PCDHA13: variants seen among roughly 807,000 people sequenced by gnomAD.
PCDHA13 encodes the protein protocadherin alpha-13.
Under a neutral mutation model 64.8 loss-of-function variants are expected in PCDHA13, and 54 were observed. The observed-to-expected ratio is 0.83, with a 90% confidence interval of 0.67 to 1.04. PCDHA13 has a LOEUF of 1.04. PCDHA13 is among the 50% of genes least tolerant of loss of function. PCDHA13 has a pLI of 0.00. For synonymous variants in PCDHA13, 587 were observed against 564.4 expected (o/e 1.04, Z -0.57); for missense variants, 1,248 against 1,254.3 (o/e 0.99, Z 0.08).
At chr5:140,894,042 C>T (rs1180138209) in intron 1 of PCDHA13, among the ~76,000 whole-genome samples, 2 of 152,078 alleles carry the variant, frequency 1.3e-5, no homozygotes, top group African/African-American at 2.4e-5. Context: ...TAATGTAAGT[C>T]CTCTGTTGAA....
In PCDHA13 at chr5:141,005,964, A is replaced by G. The variant is rs189203283; in HGVS notation, c.2543-3663A>G. On this transcript the variant is annotated intron_variant, in intron 3 of 3. Transcript: ENST00000289272. The stretch of plus-strand genomic sequence containing the variant: ...CCTATCTCTAACAAACAACAATAAA[A>G]AAACAATTCCAAAGAGTGTTTGAGG... 1.8e-3 allele frequency among the ~76,000 whole-genome samples: 274 copies of G among 152,152 alleles called. 1 individual carries two copies. Among genetic ancestry groups the G allele is most frequent in the Middle Eastern group, 6.8e-3 (2 of 294 alleles).
chr5:140,929,430 A>G, intron 1 of PCDHA13: 1 of 1,490,684 alleles, frequency 6.7e-7, no homozygotes, highest in Non-Finnish European at 9.0e-7. Flanking sequence ...CATCAATTGA[A>G]CTAAACACTC....
intron 1 of PCDHA13, among the ~76,000 whole-genome samples, chr5:140,906,628 G>A (rs976764797): frequency 2.0e-5 from 3 of 152,180 alleles, no homozygotes; most frequent in African/African-American, 7.2e-5. Context: ...CCTTCAGCAA[G>A]CACCTCAGCA....
chr5:140,961,704 C>T (rs1381981839), intron 1 of PCDHA13, among the ~76,000 whole-genome samples: 1 of 152,086 alleles, frequency 6.6e-6, no homozygotes, highest in African/African-American at 2.4e-5. Flanking sequence ...GTATGAATGC[C>T]TTCATTTCTA....
chr5:140,977,482 A>G lies in PCDHA13; in HGVS notation c.2395-1467A>G, dbSNP rs3776112. ...TTTGGTCTGTAGATAATTTTATGCTATGTTATATGGAATATCCACAGCATT... is the reference window on the plus strand; with the variant it reads ...TTTGGTCTGTAGATAATTTTATGCTGTGTTATATGGAATATCCACAGCATT... On this transcript the variant is annotated intron_variant, in intron 1 of 3. Coordinates refer to ENST00000289272, the MANE Select transcript of PCDHA13 (RefSeq NM_018904.3). Among the ~76,000 whole-genome samples the G allele has an allele frequency of 3.0e-4, 46 of 152,350 alleles. No homozygotes were observed. The East Asian group carries it at 5.4e-3, about 18-fold the overall frequency.
rs375261398 is a variant in PCDHA13 at position 140,910,786 on chromosome 5, A to G, written c.2394+26124A>G. On this transcript the variant is annotated intron_variant, in intron 1 of 3. Transcript: ENST00000289272. ...TAAACTCCCCAAGCTGCAACATTAA[A>G]TGCAGAATCCCTGCTTAGTGGGCCC... is the stretch of plus-strand genomic sequence containing the variant. 2.6e-3 allele frequency among the ~76,000 whole-genome samples: 391 copies of G among 152,326 alleles called. 2 individuals are homozygous for G. Among genetic ancestry groups the G allele is most frequent in the African/African-American group, 9.1e-3 (380 of 41,560 alleles).
At chr5:140,903,061 C>T (rs2069972197) in intron 1 of PCDHA13, among the ~76,000 whole-genome samples, 1 of 152,052 alleles carries the variant, frequency 6.6e-6, no homozygotes, top group African/African-American at 2.4e-5. Context: ...GACTTCTTTT[C>T]CTTTGGGTAG....
intron 1 of PCDHA13, among the ~76,000 whole-genome samples, chr5:140,921,151 AT>A (rs11299094): frequency 0.63 from 94,902 of 151,506 alleles, 30,179 homozygotes; most frequent in African/African-American, 0.71. Flanking sequence ...CAGCTAATGC[AT>A]TTTTTTTTTA....
intron 1 of PCDHA13, among the ~76,000 whole-genome samples, chr5:140,945,166 T>C (rs145739178): frequency 2.6e-5 from 4 of 152,112 alleles, no homozygotes; most frequent in African/African-American, 9.6e-5. Context: ...TTGAACTATC[T>C]GAAAAATAAA....
At chr5:140,964,227 G>A (rs1245581815) in intron 1 of PCDHA13, among the ~76,000 whole-genome samples, 1 of 152,222 alleles carries the variant, frequency 6.6e-6, no homozygotes, top group African/African-American at 2.4e-5. Context: ...CTTTCAAAAT[G>A]AGGCTGATTG....
chr5:140,895,914 A>G (rs570826611), intron 1 of PCDHA13, among the ~76,000 whole-genome samples: 43 of 152,162 alleles, frequency 2.8e-4, no homozygotes, highest in Non-Finnish European at 1.3e-4. Flanking sequence ...CGGGCTCAAC[A>G]ATTATCCTGC....
intron 3 of PCDHA13, among the ~76,000 whole-genome samples, chr5:140,993,075 G>A (rs531612224): frequency 1.3e-3 from 191 of 152,324 alleles, no homozygotes; most frequent in African/African-American, 4.5e-3. Flanking sequence ...CCTGCAGTCT[G>A]CAATCAGCAG....
At position 140,926,724 on chromosome 5, in the gene PCDHA13, G is replaced by C. The variant is rs376759295; in HGVS notation, c.2394+42062G>C. 1.5e-5 allele frequency: 15 copies of C among 1,034,056 alleles called. No homozygotes were observed. In the East Asian group the frequency reaches 2.4e-4, roughly 17 times the overall value. 64.1% of individuals were successfully genotyped at this position (1,034,056 alleles called of 1,614,324 possible). On this transcript the variant is annotated intron_variant, in intron 1 of 3. Transcript: ENST00000289272. ...CCAGCTGGCCAGCCCCGGCAATGCC[G>C]GCGTTCGGGAGGCGCAACGTCGGCG...
At chr5:140,902,702 C>T (rs78828243) in intron 1 of PCDHA13, among the ~76,000 whole-genome samples, 7,835 of 152,116 alleles carry the variant, frequency 0.052, 268 homozygotes, top group Admixed American at 0.075. Flanking sequence ...AGTCTTTTAT[C>T]TTTCACTCCC....
intron 3 of PCDHA13, among the ~76,000 whole-genome samples, chr5:140,986,569 T>C (rs1006962446): frequency 7.2e-5 from 11 of 152,296 alleles, no homozygotes; most frequent in East Asian, 3.9e-4. Context: ...TTATCTGTTA[T>C]TGGTTTTTCC....
intron 1 of PCDHA13, among the ~76,000 whole-genome samples, chr5:140,975,967 A>C (rs2096692306): frequency 6.6e-6 from 1 of 152,176 alleles, no homozygotes; most frequent in African/African-American, 2.4e-5. Context: ...TCACCAATAG[A>C]AAGTAAGCAT....
At chr5:140,995,500 G>A (rs541415385) in intron 3 of PCDHA13, among the ~76,000 whole-genome samples, 22 of 152,298 alleles carry the variant, frequency 1.4e-4, no homozygotes, top group Admixed American at 1.2e-3. Flanking sequence ...AAGGTTGACT[G>A]TGGGTAACTG....
rs1263952131 is a variant in PCDHA13, at chr5:140,884,634, G to T, written c.2366G>T (p.Arg789Met). 2 of 1,612,298 alleles carry T rather than the reference G, an allele frequency of 1.2e-6. No homozygotes were observed. The highest frequency in any genetic ancestry group is 1.6e-4 in the Middle Eastern group (1 of 6,066). Residue 789 changes from arginine (R) to methionine (M), a missense_variant, in exon 1 of 4, where the codon AGG becomes ATG. By Grantham distance (91) the Arg-to-Met change is moderately conservative. Coordinates refer to ENST00000289272, the MANE Select transcript of PCDHA13 (RefSeq NM_018904.3). ...CLGSAEGTGQ[R>M]EEDSECLKEP... The stretch of plus-strand genomic sequence containing the variant: ...GGTTCTGCAGAGGGAACAGGCCAGA[G>T]GGAGGAGGACTCAGAATGCTTGAAA...
rs1554231844 is a variant in PCDHA13, at chr5:140,969,454, A to G, written c.2395-9495A>G. On this transcript the variant is annotated intron_variant, in intron 1 of 3. Coordinates refer to ENST00000289272, the MANE Select transcript of PCDHA13 (RefSeq NM_018904.3). ...AAGAGTTATCTGGTAAACTGAGTAT[A>G]TATAGTATCCACAATTTGATCATAA... 7.9e-6 allele frequency: 12 copies of G among 1,511,706 alleles called. No individual in the cohort carries two copies. The South Asian group carries it at 9.0e-5, about 11-fold the overall frequency. The allele number at this position is 1,511,706 out of a possible 1,614,324, so 93.6% of individuals were successfully genotyped here.
Sources: allele counts gnomAD v4.1 joint callset (sites outside exome capture counted in the v4.1 genomes callset), GRCh38; gene constraint gnomAD v4.1.1; transcripts MANE v1.5; gene names NCBI Gene and HGNC (gene_info 2026-07-23, HGNC 2026-07-21).